The following PCDHA2 variants were observed in gnomAD, a reference collection of about 807,000 sequenced individuals.
PCDHA2 encodes the protein protocadherin alpha 2.
PCDHA2 carries 58 observed loss-of-function variants against 66.0 expected under a neutral mutation model. That is an observed-to-expected ratio of 0.88 (90% CI 0.71 to 1.09). The LOEUF (loss-of-function observed/expected upper bound fraction) is 1.09, where lower values mean the gene tolerates loss of function less well. Ranked by LOEUF, PCDHA2 falls within the 50% of genes least tolerant of loss-of-function variation. PCDHA2 has a pLI of 0.00. For synonymous variants in PCDHA2, 634 were observed against 554.0 expected, an observed-to-expected ratio of 1.14 and a Z score of -2.03; for missense variants, 1,267 against 1,242.3, an observed-to-expected ratio of 1.02 and a Z score of -0.30.
At chr5:140,808,287 C>T in intron 1 of PCDHA2, 2 of 1,614,268 alleles carry the variant, frequency 1.2e-6, no homozygotes, top group Non-Finnish European at 1.7e-6. Flanking sequence ...CCACTGGGTA[C>T]AGTCATCGCC....
intron 1 of PCDHA2, among the ~76,000 whole-genome samples, chr5:140,937,847 A>G (rs2091797551): frequency 6.8e-6 from 1 of 148,000 alleles, no homozygotes; most frequent in Non-Finnish European, 1.5e-5. Flanking sequence ...GGAAGGCGGA[A>G]CTTGGAGTGA....
At chr5:140,801,917 A>G (rs1554121766) in intron 1 of PCDHA2, 1 of 1,614,218 alleles carries the variant, frequency 6.2e-7, no homozygotes, top group Non-Finnish European at 8.5e-7. Flanking sequence ...ACAACGCCCC[A>G]GCGTTTGAGA....
At chr5:140,889,626 TC>T (rs2062301507) in intron 1 of PCDHA2, among the ~76,000 whole-genome samples, 1 of 152,228 alleles carries the variant, frequency 6.6e-6, no homozygotes, top group African/African-American at 2.4e-5. Flanking sequence ...TCATTTCTCT[TC>T]TTTTCATTTG....
intron 3 of PCDHA2, among the ~76,000 whole-genome samples, chr5:140,985,542 C>T (rs2097157092): frequency 6.6e-6 from 1 of 152,106 alleles, no homozygotes; most frequent in African/African-American, 2.4e-5. Context: ...GGTGAAGATG[C>T]AGTTGCTTCC....
intron 1 of PCDHA2, among the ~76,000 whole-genome samples, chr5:140,891,039 AC>A (rs143686625): frequency 0.024 from 3,682 of 152,150 alleles, 153 homozygotes; most frequent in African/African-American, 0.085. Context: ...CTTAGGTGTG[AC>A]CCCCACAGCA....
chr5:140,883,787 T>C (rs2059820580), intron 1 of PCDHA2: 2 of 1,612,408 alleles, frequency 1.2e-6, no homozygotes, highest in Non-Finnish European at 1.7e-6. Context: ...GCTGTCGAGC[T>C]ACGTGTCGGT....
At chr5:140,850,482 G>A (rs2150486061) in intron 1 of PCDHA2, 3 of 1,598,110 alleles carry the variant, frequency 1.9e-6, no homozygotes, top group Non-Finnish European at 2.6e-6. Context: ...GACGGCCACG[G>A]CCACTGTGCT....
At chr5:140,876,561 T>G in intron 1 of PCDHA2, 2 of 1,614,162 alleles carry the variant, frequency 1.2e-6, no homozygotes, top group Non-Finnish European at 1.7e-6. Flanking sequence ...AAGAGGATGC[T>G]CAGGTGGGTA....
At chr5:141,007,395 C>CAAAA (rs35800918) in intron 3 of PCDHA2, among the ~76,000 whole-genome samples, 7 of 94,852 alleles carry the variant, frequency 7.4e-5, no homozygotes, top group East Asian at 2.9e-4. Context: ...TACTAAAATA[C>CAAAA]AAAAAAAAAA....
intron 1 of PCDHA2, chr5:140,821,776 A>T: frequency 6.2e-7 from 1 of 1,605,968 alleles, no homozygotes; most frequent in Non-Finnish European, 8.5e-7. Flanking sequence ...CGAGATTGAG[A>T]TGGTATATTC....
At chr5:140,889,332 G>T (rs1387530088) in intron 1 of PCDHA2, among the ~76,000 whole-genome samples, 1 of 151,982 alleles carries the variant, frequency 6.6e-6, no homozygotes, top group African/African-American at 2.4e-5. Flanking sequence ...TCAGGATTTT[G>T]ATTGGTGGGA....
At chr5:140,828,782 A>T (rs2150158879) in intron 1 of PCDHA2, 14 of 1,614,250 alleles carry the variant, frequency 8.7e-6, no homozygotes, top group Non-Finnish European at 7.6e-6. Flanking sequence ...GCTGCTGGTC[A>T]CAGTGCTGGA....
intron 1 of PCDHA2, chr5:140,863,183 C>A: frequency 1.3e-6 from 1 of 766,218 alleles, no homozygotes; most frequent in Non-Finnish European, 2.2e-6. Context: ...GCCACCGTCA[C>A]CGTGGTGGCG....
intron 1 of PCDHA2, among the ~76,000 whole-genome samples, chr5:140,973,261 C>G (rs1162687249): frequency 6.6e-6 from 1 of 152,156 alleles, no homozygotes; most frequent in African/African-American, 2.4e-5. Flanking sequence ...TCAGTGGCAC[C>G]TACTTTTATT....
At chr5:140,824,894 T>C (rs1768384887) in intron 1 of PCDHA2, 1 of 152,172 alleles carries the variant, frequency 6.6e-6, no homozygotes, top group Non-Finnish European at 1.5e-5. Context: ...ATTTCAACTT[T>C]GCCTAAGCAG....
intron 1 of PCDHA2, among the ~76,000 whole-genome samples, chr5:140,846,079 G>A (rs1024607553): frequency 1.3e-5 from 2 of 149,824 alleles, no homozygotes; most frequent in South Asian, 2.1e-4. Flanking sequence ...TTTTGGAAAG[G>A]TTAAAGTCCT....
At chr5:140,841,320 A>C (rs2150313499) in intron 1 of PCDHA2, 1 of 1,602,072 alleles carries the variant, frequency 6.2e-7, no homozygotes, top group Non-Finnish European at 8.5e-7. Flanking sequence ...CGACTATTTA[A>C]CATGGATTAT....
chr5:140,876,250 A>T, intron 1 of PCDHA2: 1 of 1,614,046 alleles, frequency 6.2e-7, no homozygotes, highest in South Asian at 1.1e-5. Flanking sequence ...AAACGACACA[A>T]GAGTGATCCA....
Position 140,850,434 on chromosome 5 carries a change from C to G in PCDHA2, c.2388+53082C>G, listed in dbSNP as rs2150484212. ...CGAAACGGACGCACCGCGCCAGCGC[C>G]TACTGGTGCTGGTGAAAGACCACGG... On this transcript the variant is annotated intron_variant, in intron 1 of 3. Coordinates refer to ENST00000526136, the MANE Select transcript of PCDHA2 (RefSeq NM_018905.3). 12 of 1,598,008 alleles carry G rather than the reference C, an allele frequency of 7.5e-6. No individual in the cohort carries two copies. In the Admixed American group the frequency reaches 1.9e-4, roughly 25 times the overall value.
Sources: allele counts gnomAD v4.1 joint callset (sites outside exome capture counted in the v4.1 genomes callset), GRCh38; gene constraint gnomAD v4.1.1; transcripts MANE v1.5; gene names NCBI Gene and HGNC (gene_info 2026-07-23, HGNC 2026-07-21).